Variants in SH3YL1 observed in about 807,000 individuals in gnomAD.
The protein encoded by SH3YL1 is SH3 and SYLF domain containing 1.
A neutral mutation model predicts 45.8 loss-of-function variants in SH3YL1; 41 were observed. The ratio of observed to expected loss-of-function variants is 0.89; its 90% CI spans 0.70 to 1.16. SH3YL1 has a LOEUF of 1.16. SH3YL1 is among the 50% of genes most tolerant of loss of function. The pLI is 0.00. For missense variants in SH3YL1, 389 were observed against 409.6 expected (o/e 0.95, Z 0.43); for synonymous variants, 152 against 151.4 (o/e 1.00, Z -0.03).
intron 1 of SH3YL1, among the ~76,000 whole-genome samples, chr2:253,635 T>C (rs747761396): frequency 7.9e-5 from 12 of 152,354 alleles, no homozygotes; most frequent in Admixed American, 3.3e-4. Context: ...GTGTTTAGCA[T>C]ATAATTGAAA....
upstream of SH3YL1, chr2:264,252 G>C (rs1669743945): frequency 6.9e-6 from 3 of 437,170 alleles, no homozygotes; most frequent in Non-Finnish European, 1.2e-5. Context: ...TCCAAGCACG[G>C]TGTTGGGGGT....
At chr2:219,055 G>A in intron 9 of SH3YL1, 54 bp from the exon 10 acceptor site, 2 of 1,445,060 alleles carry the variant, frequency 1.4e-6, no homozygotes, top group Non-Finnish European at 1.9e-6. Flanking sequence ...GAAATTGGGG[G>A]TATCTGCTGG....
intron 4 of SH3YL1, among the ~76,000 whole-genome samples, chr2:246,692 A>T (rs1668829799): frequency 6.6e-6 from 1 of 152,172 alleles, no homozygotes; most frequent in African/African-American, 2.4e-5. Context: ...GATATTTTTG[A>T]AAGCTTTGAT....
chr2:257,558 G>T (rs761007182), intron 1 of SH3YL1, among the ~76,000 whole-genome samples: 9 of 152,162 alleles, frequency 5.9e-5, no homozygotes, highest in Admixed American at 5.9e-4. Flanking sequence ...CTCATACACT[G>T]CTAAGTGTTC....
intron 4 of SH3YL1, among the ~76,000 whole-genome samples, chr2:237,620 G>C (rs949361347): frequency 1.3e-5 from 2 of 152,138 alleles, no homozygotes; most frequent in African/African-American, 2.4e-5. Flanking sequence ...TTATTTATAA[G>C]ATCAGTAGGG....
chr2:241,606 T>TA (rs1281205356), intron 4 of SH3YL1: 2 of 152,050 alleles, frequency 1.3e-5, no homozygotes, highest in African/African-American at 4.8e-5. Context: ...TAGATAATTG[T>TA]AAAAAATCTT....
chr2:226,157 A>T (rs1191837525), intron 8 of SH3YL1, among the ~76,000 whole-genome samples: 1 of 152,174 alleles, frequency 6.6e-6, no homozygotes, highest in Non-Finnish European at 1.5e-5. Flanking sequence ...GAAGACCTTA[A>T]TCATGACCAA....
chr2:263,608 G>A (rs569785899), intron 1 of SH3YL1: 8 of 209,386 alleles, frequency 3.8e-5, no homozygotes, highest in Admixed American at 3.0e-4. Flanking sequence ...GCCTGCCGCG[G>A]GTTCCACGCA....
chr2:221,224 A>C (rs933129509), intron 9 of SH3YL1, among the ~76,000 whole-genome samples: 1 of 152,172 alleles, frequency 6.6e-6, no homozygotes, highest in African/African-American at 2.4e-5. Context: ...CAACAGACCA[A>C]ACTGACATTT....
chr2:264,048 C>T, upstream of SH3YL1: 2 of 1,361,060 alleles, frequency 1.5e-6, no homozygotes, highest in Non-Finnish European at 9.5e-7. Flanking sequence ...CGCGCTGCCC[C>T]GCCCCGCGGA....
At chr2:256,463 G>A (rs1346275456) in intron 1 of SH3YL1, 7 of 152,056 alleles carry the variant, frequency 4.6e-5, no homozygotes, top group Non-Finnish European at 7.4e-5. Flanking sequence ...AGGCCGAGGT[G>A]GGGGGATCAC....
intron 8 of SH3YL1, among the ~76,000 whole-genome samples, chr2:228,987 C>T (rs1389965949): frequency 6.6e-6 from 1 of 152,188 alleles, no homozygotes; most frequent in Non-Finnish European, 1.5e-5. Flanking sequence ...CATGTAATCT[C>T]TCTCCTCTTG....
chr2:253,151 C>G, intron 1 of SH3YL1, 36 bp from the exon 2 acceptor site: 6 of 1,206,754 alleles, frequency 5.0e-6, no homozygotes, highest in Non-Finnish European at 5.9e-6. Context: ...ATGAAAAATT[C>G]TGCTAAATAG....
At chr2:236,215 GGCA>G (rs10558174) in intron 4 of SH3YL1, among the ~76,000 whole-genome samples, 4 of 62,674 alleles carry the variant, frequency 6.4e-5, no homozygotes, top group South Asian at 4.7e-4. Context: ...GGTCAGGGGA[GGCA>G]GCAGCATGGG....
chr2:247,387 T>C (rs1232776398), intron 4 of SH3YL1, 151 bp downstream of exon 4: 2 of 577,964 alleles, frequency 3.5e-6, no homozygotes. Context: ...TAGCTTTAGT[T>C]AGACATTCAT....
chr2:263,958 G>A (rs778063842), intron 1 of SH3YL1, 26 bp downstream of exon 1: 15 of 1,505,256 alleles, frequency 1.0e-5, no homozygotes, highest in East Asian at 2.7e-5. Context: ...GGGTGCTGCC[G>A]GACAGGTGGG....
At chr2:261,890 C>A (rs1367152233) in intron 1 of SH3YL1, among the ~76,000 whole-genome samples, 4 of 152,196 alleles carry the variant, frequency 2.6e-5, no homozygotes, top group African/African-American at 7.2e-5. Context: ...TACAGGAAAG[C>A]AAGCTTACTA....
At position 218,799 on chromosome 2, in the gene SH3YL1, ATAG is replaced by A; in HGVS notation, c.*9_*11del. On this transcript the variant is annotated 3_prime_UTR_variant, in exon 10 of 10. Coordinates refer to ENST00000356150, the MANE Select transcript of SH3YL1 (RefSeq NM_015677.4). ...TTTTTTGTAATTCTCAAAGAAGAAA[ATAG>A]TATACGCTTTAATTCATGGTTACGT... The A allele has an allele frequency of 3.2e-6, 5 of 1,573,720 alleles. No homozygotes were observed. Among genetic ancestry groups the A allele is most frequent in the Non-Finnish European group, 4.3e-6 (5 of 1,156,956 alleles).
chr2:233,417 G>T (rs1668143129), intron 5 of SH3YL1, among the ~76,000 whole-genome samples, 188 bp from the exon 6 acceptor site: 1 of 152,194 alleles, frequency 6.6e-6, no homozygotes. Context: ...AAACAGGCCG[G>T]GGGAAGAACA....
Sources: gnomAD v4.1 joint callset for allele counts (sites outside exome capture counted in the v4.1 genomes callset) on GRCh38, gnomAD v4.1.1 for gene constraint, MANE v1.5 for transcripts, NCBI Gene and HGNC (gene_info 2026-07-23, HGNC 2026-07-21) for gene names.